TICRR: variants seen among roughly 807,000 people sequenced by gnomAD.
TICRR encodes treslin.
Under a neutral mutation model 178.1 loss-of-function variants are expected in TICRR, and 132 were observed. The ratio of observed to expected loss-of-function variants is 0.74; its 90% CI spans 0.64 to 0.86. The LOEUF (loss-of-function observed/expected upper bound fraction) is 0.86, where lower values mean the gene tolerates loss of function less well. TICRR is among the 40% of genes least tolerant of loss of function. The pLI, the probability that TICRR is intolerant of heterozygous loss-of-function variation, is 0.00. For synonymous variants in TICRR, 991 were observed against 900.7 expected (o/e 1.10, Z -1.79); for missense variants, 2,587 against 2,334.3 (o/e 1.11, Z -2.23).
At chr15:89,595,998 T>G (rs1962992957) in intron 7 of TICRR, among the ~76,000 whole-genome samples, 1 of 152,092 alleles carries the variant, frequency 6.6e-6, no homozygotes, top group East Asian at 1.9e-4. Context: ...TTTAGTGGGC[T>G]AGTAAAGGTG....
intron 7 of TICRR, among the ~76,000 whole-genome samples, chr15:89,596,450 G>C (rs1018181920): frequency 6.6e-6 from 1 of 151,980 alleles, no homozygotes; most frequent in Non-Finnish European, 1.5e-5. Flanking sequence ...GGGTTCAAGC[G>C]ATTCTCCTGT....
intron 14 of TICRR, 71 bp from the exon 15 acceptor site, chr15:89,608,724 GTTATCTTT>G: frequency 7.6e-7 from 1 of 1,316,902 alleles, no homozygotes; most frequent in Non-Finnish European, 1.0e-6. Flanking sequence ...CTCTGTTTTG[GTTATCTTT>G]TCTCAGATAC....
chr15:89,575,814 TGAG>T lies in TICRR; in HGVS notation c.235_237del (p.Glu79del). 6.2e-7 allele frequency: 1 copy of T among 1,602,284 alleles called. No individual in the cohort carries two copies. Among genetic ancestry groups the T allele is most frequent in the Non-Finnish European group, 8.5e-7 (1 of 1,175,944 alleles). ...TGGGGTCCCGCTCGTGGGAGGACTTTGAGGAGGAGCTGGAGGCCAGGCTCGAGG... is the reference window on the plus strand; with the variant it reads ...TGGGGTCCCGCTCGTGGGAGGACTTTGAGGAGCTGGAGGCCAGGCTCGAGG... On this transcript the variant is annotated inframe_deletion, in exon 1 of 22. Transcript: ENST00000268138.
Position 89,625,774 on chromosome 15 carries a change from G to C in TICRR, c.5464G>C (p.Val1822Leu), listed in dbSNP as rs758214359. The C allele has an allele frequency of 2.5e-6, 4 of 1,602,402 alleles. No homozygotes were observed. Among genetic ancestry groups the C allele is most frequent in the Non-Finnish European group, 3.4e-6 (4 of 1,173,136 alleles). The change falls in exon 20 of 22, where the codon GTG (valine) becomes CTG (leucine). Residue 1822 changes from valine to leucine, a missense_variant. Physicochemically the swap from Val to Leu is conservative, Grantham distance 32. Coordinates refer to ENST00000268138, the MANE Select transcript of TICRR (RefSeq NM_152259.4). ...GCTACCCTCCACGGGAGACGAAGAG[G>C]TGTTTGTTTCCGGTGAGTTCGTTTT... is the stretch of plus-strand genomic sequence containing the variant. ...WQLPSTGDEE[V>L]FVSGSTPPPS...
At position 89,613,048 on chromosome 15, in the gene TICRR, C is replaced by T. The variant is rs139937757; in HGVS notation, c.2870-3357C>T. Among the ~76,000 whole-genome samples, 1,076 of 152,268 alleles carry T rather than the reference C, an allele frequency of 7.1e-3. 10 individuals carry two copies. The highest frequency in any genetic ancestry group is 0.025 in the African/African-American group (1,034 of 41,552). On this transcript the variant is annotated intron_variant, in intron 15 of 21. Transcript: ENST00000268138. ...AATGCTGTTTAACTCTTTATGTGGA[C>T]TTGAGTTACCCTAGTGCCCTTTCCT...
At position 89,619,954 on chromosome 15, in the gene TICRR, A is replaced by G; in HGVS notation, c.3154+112A>G. 2.3e-6 allele frequency: 3 copies of G among 1,320,592 alleles called. No homozygotes were observed. The South Asian group carries it at 4.4e-5, about 19-fold the overall frequency. The allele number at this position is 1,320,592 out of a possible 1,614,324, so 81.8% of individuals were successfully genotyped here. On this transcript the variant is annotated intron_variant, in intron 18 of 21. Transcript: ENST00000268138. ...TTCTTTCTTGACATTGGAGAAGTAG[A>G]ATAGGTATGTCTAGTTGAGGTTCAG...
At chr15:89,580,770 A>ATACC (rs1962710355) in intron 1 of TICRR, among the ~76,000 whole-genome samples, 1 of 152,182 alleles carries the variant, frequency 6.6e-6, no homozygotes, top group Admixed American at 6.5e-5. Context: ...CTAGTGGCTT[A>ATACC]TACCTGTAAC....
intron 1 of TICRR, among the ~76,000 whole-genome samples, chr15:89,578,516 A>G (rs1339607567): frequency 2.0e-5 from 3 of 152,220 alleles, no homozygotes; most frequent in Admixed American, 1.3e-4. Flanking sequence ...CACATTGCTC[A>G]GCTGGAAACA....
At chr15:89,593,285 T>C (rs1182934385) in intron 5 of TICRR, among the ~76,000 whole-genome samples, 1 of 152,226 alleles carries the variant, frequency 6.6e-6, no homozygotes, top group Non-Finnish European at 1.5e-5. Context: ...GGTCTCTCTT[T>C]AATCTCCCTC....
At chr15:89,585,980 G>A in intron 4 of TICRR, 38 bp downstream of exon 4, 1 of 1,564,238 alleles carries the variant, frequency 6.4e-7, no homozygotes, top group Non-Finnish European at 8.8e-7. Context: ...AGTCTAGGGT[G>A]GTTTGCAGTC....
At chr15:89,586,033 C>A (rs1278765674) in intron 4 of TICRR, 91 bp downstream of exon 4, 5 of 848,850 alleles carry the variant, frequency 5.9e-6, no homozygotes, top group African/African-American at 1.7e-5. Context: ...TTAGTAGAAC[C>A]CCAATATGTT....
intron 2 of TICRR, 120 bp downstream of exon 2, chr15:89,583,085 C>T (rs1962759304): frequency 1.8e-6 from 2 of 1,133,832 alleles, no homozygotes; most frequent in Admixed American, 5.8e-5. Flanking sequence ...GAATGCTTGT[C>T]ATGAAAGAAT....
chr15:89,626,575 C>T (rs1963531395), intron 21 of TICRR, among the ~76,000 whole-genome samples: 1 of 152,140 alleles, frequency 6.6e-6, no homozygotes, highest in African/African-American at 2.4e-5. Flanking sequence ...CCTTCTGCTG[C>T]TAGAATCAAA....
chr15:89,604,771 A>C (rs1171682876), intron 13 of TICRR, among the ~76,000 whole-genome samples: 1 of 149,458 alleles, frequency 6.7e-6, no homozygotes, highest in African/African-American at 2.4e-5. Flanking sequence ...ACTCTGTCAA[A>C]AAAAAAAAAA....
chr15:89,625,303 G>A lies in TICRR; in HGVS notation c.4993G>A (p.Val1665Ile). Reference protein sequence around the residue: ...STPSPFQTDGVPWTPSPKHSG... With the variant: ...STPSPFQTDGIPWTPSPKHSG... ...CCCCTCTCCATTTCAAACAGATGGGGTTCCTTGGACACCATCCCCCAAGCA... is the reference window on the plus strand; with the variant it reads ...CCCCTCTCCATTTCAAACAGATGGGATTCCTTGGACACCATCCCCCAAGCA... Residue 1665 changes from valine to isoleucine, a missense_variant, in exon 20 of 22, where the codon GTT becomes ATT. Transcript: ENST00000268138. 1 of 1,614,080 alleles carries A rather than the reference G, an allele frequency of 6.2e-7. No homozygotes were observed. Among genetic ancestry groups the A allele is most frequent in the Non-Finnish European group, 8.5e-7 (1 of 1,180,006 alleles).
intron 16 of TICRR, 132 bp downstream of exon 16, chr15:89,616,627 TC>T (rs1238882590): frequency 2.0e-5 from 13 of 656,360 alleles, no homozygotes; most frequent in Non-Finnish European, 3.2e-5. Context: ...CAAAGAGCAT[TC>T]TATAAGCTCT....
chr15:89,616,222 A>C (rs573757974), intron 15 of TICRR, among the ~76,000 whole-genome samples, 183 bp from the exon 16 acceptor site: 2 of 152,248 alleles, frequency 1.3e-5, no homozygotes, highest in South Asian at 4.1e-4. Context: ...TTAATCTCTA[A>C]TAGTGCTGAC....
In TICRR at chr15:89,627,168, G is replaced by A. The variant is rs1353667380; in HGVS notation, c.*82G>A. 1.9e-6 allele frequency: 3 copies of A among 1,549,538 alleles called. No homozygotes were observed. The highest frequency in any genetic ancestry group is 1.8e-6 in the Non-Finnish European group (2 of 1,132,962). On this transcript the variant is annotated 3_prime_UTR_variant, in exon 22 of 22. Transcript: ENST00000268138. Reference sequence around the variant, plus strand: ...AAAGAAGTTGGATGCCTGGTCCCAAGCCTCTTTTGCCATGGTCAGTGTTCA... The same window carrying A: ...AAAGAAGTTGGATGCCTGGTCCCAAACCTCTTTTGCCATGGTCAGTGTTCA...
At chr15:89,616,301 T>A (rs1963334393) in intron 15 of TICRR, 104 bp from the exon 16 acceptor site, 1 of 832,310 alleles carries the variant, frequency 1.2e-6, no homozygotes, top group Non-Finnish European at 2.0e-6. Context: ...CCTCTCCAGC[T>A]AGGTAATAAG....
Sources: allele counts gnomAD v4.1 joint callset (sites outside exome capture counted in the v4.1 genomes callset), GRCh38; gene constraint gnomAD v4.1.1; transcripts MANE v1.5; gene names NCBI Gene and HGNC (gene_info 2026-07-23, HGNC 2026-07-21).